Variants in FGFR1 observed in about 807,000 individuals in gnomAD.
FGFR1 encodes the protein FGFR1/PLAG1 fusion.
Under a neutral mutation model 93.7 loss-of-function variants are expected in FGFR1, and 18 were observed. The ratio of observed to expected loss-of-function variants is 0.19; its 90% CI spans 0.13 to 0.28. The LOEUF (loss-of-function observed/expected upper bound fraction) is 0.28. Among genes scored for constraint, FGFR1 ranks in the 10% least tolerant of loss-of-function variants. The pLI is 1.00. For missense variants in FGFR1, 731 were observed against 1,080.4 expected (o/e 0.68, Z 4.53); for synonymous variants, 448 against 429.3 (o/e 1.04, Z -0.54).
intron 2 of FGFR1, among the ~76,000 whole-genome samples, chr8:38,454,190 C>CCTT (rs1457786849): frequency 1.3e-5 from 2 of 151,926 alleles, no homozygotes; most frequent in Non-Finnish European, 2.9e-5. Context: ...CCAGCAGCTT[C>CCTT]CGTGAAGCCC....
intron 2 of FGFR1, among the ~76,000 whole-genome samples, chr8:38,451,781 G>C (rs1471324257): frequency 6.6e-6 from 1 of 152,030 alleles, no homozygotes; most frequent in East Asian, 1.9e-4. Context: ...TGCTGAAAAG[G>C]GGGCAGGACC....
At chr8:38,438,885 C>T (rs1357743814) in intron 2 of FGFR1, among the ~76,000 whole-genome samples, 1 of 152,182 alleles carries the variant, frequency 6.6e-6, no homozygotes, top group Non-Finnish European at 1.5e-5. Flanking sequence ...CTCCTTCCCT[C>T]ATTTCCTCAA....
At chr8:38,431,745 G>A (rs1296315079) in intron 2 of FGFR1, among the ~76,000 whole-genome samples, 3 of 152,118 alleles carry the variant, frequency 2.0e-5, no homozygotes, top group Non-Finnish European at 2.9e-5. Flanking sequence ...GCTTTAAAAG[G>A]GCTCAGAAAC....
chr8:38,412,019 G>C lies in FGFR1; in HGVS notation c.*1609C>G. On this transcript the variant is annotated 3_prime_UTR_variant, in exon 18 of 18. Coordinates refer to ENST00000447712, the MANE Select transcript of FGFR1 (RefSeq NM_023110.3). Reference sequence around the variant, plus strand: ...ACTGGCAAAACCATGCCCACATAGAGGGGGCAGACACATGTCTGGGTTTCA... The same window carrying C: ...ACTGGCAAAACCATGCCCACATAGACGGGGCAGACACATGTCTGGGTTTCA... The C allele has an allele frequency of 4.4e-6, 1 of 228,574 alleles. No individual in the cohort carries two copies. Among genetic ancestry groups the C allele is most frequent in the East Asian group, 6.3e-5 (1 of 15,912 alleles). The allele number at this position is 228,574 out of a possible 1,614,324, so 14.2% of individuals were successfully genotyped here. A position where few individuals can be genotyped will look rare whatever the true frequency, so the allele number is the denominator to read the frequency against.
At chr8:38,421,675 G>C in intron 8 of FGFR1, 122 bp downstream of exon 8, 1 of 1,030,392 alleles carries the variant, frequency 9.7e-7, no homozygotes, top group Non-Finnish European at 1.5e-6. Context: ...TGTGGCACCA[G>C]GCAGGCAGGA....
At chr8:38,466,895 A>ACCCCCCCCCCCCCCCCC (rs35393411) in intron 1 of FGFR1, among the ~76,000 whole-genome samples, 1 of 135,706 alleles carries the variant, frequency 7.4e-6, no homozygotes, top group African/African-American at 3.0e-5. Flanking sequence ...TTCACACCCC[A>ACCCCCCCCCCCCCCCCC]CCCCCCCCCC....
intron 2 of FGFR1, among the ~76,000 whole-genome samples, chr8:38,448,471 G>C (rs994004493): frequency 6.6e-6 from 1 of 152,058 alleles, no homozygotes; most frequent in Non-Finnish European, 1.5e-5. Context: ...GTAGAGACAG[G>C]GTTTCGCCAG....
chr8:38,448,518 C>T (rs979988493), intron 2 of FGFR1, among the ~76,000 whole-genome samples: 4 of 152,200 alleles, frequency 2.6e-5, no homozygotes, highest in South Asian at 4.1e-4. Flanking sequence ...TGAGCCACCG[C>T]GCCCAGCCTA....
chr8:38,413,486 G>T lies in FGFR1; in HGVS notation c.*142C>A. The T allele has an allele frequency of 1.2e-6, 1 of 849,330 alleles. No individual in the cohort carries two copies. Among genetic ancestry groups the T allele is most frequent in the Non-Finnish European group, 1.8e-6 (1 of 547,310 alleles). The allele number at this position is 849,330 out of a possible 1,614,324, so 52.6% of individuals were successfully genotyped here. A position where few individuals can be genotyped will look rare whatever the true frequency, so the allele number is the denominator to read the frequency against. On this transcript the variant is annotated 3_prime_UTR_variant, in exon 18 of 18. Coordinates refer to ENST00000447712, the MANE Select transcript of FGFR1 (RefSeq NM_023110.3). The surrounding 1 kb of genome is among the most constrained non-coding windows in gnomAD (Gnocchi z 4.2). The stretch of plus-strand genomic sequence containing the variant: ...GGTGAGCTGAGTGGGGTGAAGGCAG[G>T]CCACACAGGAAGGCCCCTGGTAGGC...
chr8:38,425,210 A>G (rs1586299823), intron 6 of FGFR1, among the ~76,000 whole-genome samples: 1 of 151,982 alleles, frequency 6.6e-6, no homozygotes, highest in South Asian at 2.1e-4. Context: ...GTGTCATCAT[A>G]GCTCACTGCA....
chr8:38,457,893 G>A (rs1833303566), intron 1 of FGFR1, among the ~76,000 whole-genome samples: 1 of 152,148 alleles, frequency 6.6e-6, no homozygotes, highest in African/African-American at 2.4e-5. Flanking sequence ...TAAGGCAAGA[G>A]AATCGCTTGA....
At chr8:38,442,354 G>T (rs1205017358) in intron 2 of FGFR1, among the ~76,000 whole-genome samples, 2 of 101,954 alleles carry the variant, frequency 2.0e-5, no homozygotes, top group African/African-American at 7.0e-5. Flanking sequence ...CCACCAAGTT[G>T]TTAAAGTGGT....
chr8:38,428,361 T>C lies in FGFR1; in HGVS notation c.433A>G (p.Lys145Glu). The change falls in exon 4 of 18, where the codon AAA becomes GAA. Residue 145 changes from lysine (K) to glutamate (E), a missense_variant. Transcript: ENST00000447712. ...SSEEKETDNTKPNRMPVAPYW... is the reference protein window; with the variant it reads ...SSEEKETDNTEPNRMPVAPYW... ...AGTGTCTCACGCATACGGTTTGGTT[T>C]GGTGTTATCTGTTTCTTTCTCCTCT... 6.2e-7 allele frequency: 1 copy of C among 1,614,166 alleles called. No homozygotes were observed. The highest frequency in any genetic ancestry group is 8.5e-7 in the Non-Finnish European group (1 of 1,179,992).
intron 8 of FGFR1, 49 bp downstream of exon 8, chr8:38,421,748 G>A (rs374166845): frequency 6.1e-5 from 98 of 1,594,968 alleles, no homozygotes; most frequent in East Asian, 2.5e-4. Context: ...TGCTCCCCCC[G>A]TGCCCGTGGC....
rs191328131 is a variant in FGFR1, at chr8:38,462,452, C to T, written c.-88-4918G>A. Among the ~76,000 whole-genome samples, 456 of 151,756 alleles carry T rather than the reference C, an allele frequency of 3.0e-3. 1 individual carries two copies. The highest frequency in any genetic ancestry group is 9.8e-3 in the African/African-American group (408 of 41,436). ...CCGGGAGGCAGAGGTTGCAGTGAGC[C>T]GAGATTGCGCCACTGCACTCCAGCC... is the stretch of plus-strand genomic sequence containing the variant. On this transcript the variant is annotated intron_variant, in intron 1 of 17. Coordinates refer to ENST00000447712, the MANE Select transcript of FGFR1 (RefSeq NM_023110.3).
chr8:38,425,772 G>T (rs1294553202), intron 6 of FGFR1, among the ~76,000 whole-genome samples: 1 of 152,178 alleles, frequency 6.6e-6, no homozygotes, highest in Non-Finnish European at 1.5e-5. Flanking sequence ...GAGCATTACA[G>T]GGCAGGTATT....
At chr8:38,449,971 G>A (rs117934489) in intron 2 of FGFR1, among the ~76,000 whole-genome samples, 1 of 152,344 alleles carries the variant, frequency 6.6e-6, no homozygotes, top group Non-Finnish European at 1.5e-5. Context: ...GAGGCAACAG[G>A]CCCACTACCG....
rs532047807 is a variant in FGFR1, at chr8:38,421,241, C to T, written c.1081+556G>A. On this transcript the variant is annotated intron_variant, in intron 8 of 17. Transcript: ENST00000447712. ...GCAGGCAAACAGGATACATGGACAT[C>T]GTGAAGCCTGCTGCGGCTGCCTGAG... Among the ~76,000 whole-genome samples, 16 of 152,312 alleles carry T rather than the reference C, an allele frequency of 1.1e-4. No homozygotes were observed. The East Asian group carries it at 1.5e-3, about 15-fold the overall frequency.
At chr8:38,462,232 G>T (rs575798697) in intron 1 of FGFR1, among the ~76,000 whole-genome samples, 1 of 152,234 alleles carries the variant, frequency 6.6e-6, no homozygotes, top group African/African-American at 2.4e-5. Context: ...TTGGCCAGGC[G>T]CGGTGGCTCA....
Sources: allele counts gnomAD v4.1 joint callset (sites outside exome capture counted in the v4.1 genomes callset), GRCh38; gene constraint gnomAD v4.1.1; non-coding constraint Gnocchi (gnomAD v3.1); transcripts MANE v1.5; gene names NCBI Gene and HGNC (gene_info 2026-07-23, HGNC 2026-07-21).